The following LRCH1 variants were observed in gnomAD, a reference collection of about 807,000 sequenced individuals.
LRCH1 encodes the protein leucine-rich repeat and calponin homology domain-containing protein 1.
LRCH1 carries 23 observed loss-of-function variants against 94.9 expected under a neutral mutation model. The observed-to-expected ratio is 0.24, with a 90% CI of 0.17 to 0.34. The LOEUF is 0.34. Among genes scored for constraint, LRCH1 ranks in the 10% least tolerant of loss-of-function variants. The pLI is 1.00. For missense variants in LRCH1, 790 were observed against 945.9 expected, an observed-to-expected ratio of 0.84 and a Z score of 2.16; for synonymous variants, 364 against 354.9, an observed-to-expected ratio of 1.03 and a Z score of -0.29.
At chr13:46,713,473 C>T (rs1383348388) in intron 15 of LRCH1, among the ~76,000 whole-genome samples, 2 of 152,152 alleles carry the variant, frequency 1.3e-5, no homozygotes, top group African/African-American at 4.8e-5. Context: ...AAAAGGCACC[C>T]ATAGGAAAAA....
intron 2 of LRCH1, among the ~76,000 whole-genome samples, chr13:46,662,280 TA>T (rs1349649159): frequency 3.9e-5 from 6 of 152,224 alleles, no homozygotes; most frequent in Non-Finnish European, 7.3e-5. Context: ...GTATCTTTCC[TA>T]GTCATTTAGT....
At chr13:46,715,457 T>C (rs1205770190) in intron 15 of LRCH1, 103 bp from the exon 16 acceptor site, 2 of 674,286 alleles carry the variant, frequency 3.0e-6, no homozygotes, top group African/African-American at 3.5e-5. Context: ...CCACTCTTCA[T>C]TTCCATGCAA....
chr13:46,750,298 A>G (rs1240782219), intron 18 of LRCH1, among the ~76,000 whole-genome samples: 1 of 152,192 alleles, frequency 6.6e-6, no homozygotes, highest in Non-Finnish European at 1.5e-5. Context: ...AGATCTGCAG[A>G]CTTCATGGTG....
At chr13:46,658,130 T>G (rs1292578431) in intron 2 of LRCH1, among the ~76,000 whole-genome samples, 2 of 152,196 alleles carry the variant, frequency 1.3e-5, no homozygotes, top group Non-Finnish European at 2.9e-5. Flanking sequence ...ACATCAGTAT[T>G]TACACAAGGA....
intron 11 of LRCH1, among the ~76,000 whole-genome samples, chr13:46,701,425 TTTA>T (rs1243594149): frequency 5.2e-4 from 79 of 152,314 alleles, no homozygotes; most frequent in African/African-American, 1.9e-3. Flanking sequence ...TTCACCACCC[TTTA>T]TTGAGTTCAT....
At chr13:46,692,467 A>G (rs1870946704) in intron 7 of LRCH1, 69 bp from the exon 8 acceptor site, 1 of 1,083,572 alleles carries the variant, frequency 9.2e-7, no homozygotes, top group Admixed American at 1.8e-5. Context: ...TTGTTTTATT[A>G]CATAGCATTC....
At chr13:46,677,024 C>G (rs908478756) in intron 3 of LRCH1, among the ~76,000 whole-genome samples, 2 of 152,144 alleles carry the variant, frequency 1.3e-5, no homozygotes, top group Non-Finnish European at 2.9e-5. Flanking sequence ...AAGCGATCTG[C>G]CCACCTTGGC....
intron 1 of LRCH1, among the ~76,000 whole-genome samples, chr13:46,597,334 A>G (rs1158550140): frequency 6.6e-6 from 1 of 151,492 alleles, no homozygotes; most frequent in Non-Finnish European, 1.5e-5. Flanking sequence ...CTCCCCAAAT[A>G]TAGGGCTAAA....
intron 1 of LRCH1, among the ~76,000 whole-genome samples, chr13:46,596,798 C>G (rs1245209357): frequency 1.3e-5 from 2 of 152,158 alleles, no homozygotes; most frequent in African/African-American, 4.8e-5. Flanking sequence ...ATGGCTAGGT[C>G]CATGGCAATC....
chr13:46,585,489 C>T (rs910821517), intron 1 of LRCH1, among the ~76,000 whole-genome samples: 1 of 145,350 alleles, frequency 6.9e-6, no homozygotes, highest in Non-Finnish European at 1.5e-5. Flanking sequence ...GGAGGCGGAG[C>T]TTTCAGTGAG....
At chr13:46,593,283 CTTTTT>C (rs34821427) in intron 1 of LRCH1, among the ~76,000 whole-genome samples, 1 of 92,198 alleles carries the variant, frequency 1.1e-5, no homozygotes, top group Non-Finnish European at 2.1e-5. Flanking sequence ...TCTTTCTTTC[CTTTTT>C]TTTTTTTTTT....
intron 13 of LRCH1, among the ~76,000 whole-genome samples, chr13:46,709,288 A>AT (rs1214980606): frequency 2.0e-5 from 3 of 152,182 alleles, no homozygotes; most frequent in Admixed American, 2.0e-4. Flanking sequence ...TCATATATCA[A>AT]TCATTCAGTC....
At chr13:46,598,333 C>G (rs1046556419) in intron 1 of LRCH1, among the ~76,000 whole-genome samples, 4 of 151,210 alleles carry the variant, frequency 2.6e-5, no homozygotes, top group African/African-American at 7.3e-5. Flanking sequence ...CTCTTGCAGC[C>G]AGGGTGCCCC....
intron 1 of LRCH1, among the ~76,000 whole-genome samples, chr13:46,604,637 T>C (rs2050668196): frequency 6.6e-6 from 1 of 152,250 alleles, no homozygotes. Context: ...CAGCCTCTGA[T>C]GTTCTACAAG....
chr13:46,576,146 G>A (rs2050301898), intron 1 of LRCH1, among the ~76,000 whole-genome samples: 1 of 152,188 alleles, frequency 6.6e-6, no homozygotes, highest in African/African-American at 2.4e-5. Context: ...AAAGCCAGCT[G>A]GATTAGACAT....
At chr13:46,661,470 TG>T (rs1469729001) in intron 2 of LRCH1, among the ~76,000 whole-genome samples, 2 of 152,200 alleles carry the variant, frequency 1.3e-5, no homozygotes, top group Non-Finnish European at 2.9e-5. Context: ...AATTGAAATA[TG>T]GGTTAAGAAG....
intron 1 of LRCH1, among the ~76,000 whole-genome samples, chr13:46,572,149 T>G (rs2050248540): frequency 6.6e-6 from 1 of 152,218 alleles, no homozygotes; most frequent in African/African-American, 2.4e-5. Flanking sequence ...TTCCCTGCAC[T>G]CCTCTTCCTA....
chr13:46,711,125 A>G (rs917930082), intron 13 of LRCH1, among the ~76,000 whole-genome samples: 7 of 152,078 alleles, frequency 4.6e-5, no homozygotes, highest in Admixed American at 4.6e-4. Context: ...TTCTCTACAT[A>G]GCTAAACTGA....
chr13:46,743,190 G>C lies in LRCH1; in HGVS notation c.*1342G>C. The stretch of plus-strand genomic sequence containing the variant: ...TTTCTAGTTTATTAAGATGCAAACA[G>C]CTCTCATAGATGGCTACTACGAAGA... On this transcript the variant is annotated 3_prime_UTR_variant, in exon 20 of 20. Transcript: ENST00000389797. The C allele has an allele frequency of 4.1e-6, 4 of 985,738 alleles. No homozygotes were observed. The highest frequency in any genetic ancestry group is 4.8e-6 in the Non-Finnish European group (4 of 829,870). 61.1% of individuals were successfully genotyped at this position (985,738 alleles called of 1,614,324 possible).
Sources: allele counts gnomAD v4.1 joint callset (sites outside exome capture counted in the v4.1 genomes callset), GRCh38; gene constraint gnomAD v4.1.1; transcripts MANE v1.5; gene names NCBI Gene and HGNC (gene_info 2026-07-23, HGNC 2026-07-21).